PPP1R9A: variants seen among roughly 807,000 people sequenced by gnomAD.
The protein encoded by PPP1R9A is protein phosphatase 1 regulatory subunit 9A, also known as neurabin-1.
In PPP1R9A, 59 loss-of-function variants were observed where a neutral mutation model predicts 141.9. The observed-to-expected ratio is 0.42, with a 90% CI of 0.34 to 0.52. PPP1R9A has a LOEUF of 0.52. Among genes scored for constraint, PPP1R9A ranks in the 20% least tolerant of loss-of-function variants. The pLI is 0.10. For missense variants in PPP1R9A, 1,444 were observed against 1,611.9 expected, an observed-to-expected ratio of 0.90 and a Z score of 1.78; for synonymous variants, 500 against 569.7, an observed-to-expected ratio of 0.88 and a Z score of 1.74.
intron 2 of PPP1R9A, among the ~76,000 whole-genome samples, chr7:95,051,920 A>G (rs1381079956): frequency 6.6e-6 from 1 of 150,826 alleles, no homozygotes; most frequent in African/African-American, 2.4e-5. Context: ...GCTCACTGCA[A>G]CCTCCTCCTC....
At chr7:95,081,593 A>G (rs1815841790) in intron 2 of PPP1R9A, among the ~76,000 whole-genome samples, 1 of 152,128 alleles carries the variant, frequency 6.6e-6, no homozygotes, top group Non-Finnish European at 1.5e-5. Context: ...AACAGAGAGA[A>G]TAAAAATGAC....
At chr7:95,277,156 C>G (rs1160841320) in intron 16 of PPP1R9A, among the ~76,000 whole-genome samples, 1 of 152,160 alleles carries the variant, frequency 6.6e-6, no homozygotes. Context: ...GGCTAAGATT[C>G]TGATAAGATC....
At chr7:95,016,772 C>T (rs559926086) in intron 2 of PPP1R9A, among the ~76,000 whole-genome samples, 7 of 152,278 alleles carry the variant, frequency 4.6e-5, no homozygotes, top group African/African-American at 1.2e-4. Flanking sequence ...TGCCTACTTT[C>T]GTCCACTTCA....
chr7:95,113,471 G>GA (rs1175593267), intron 3 of PPP1R9A, among the ~76,000 whole-genome samples: 7 of 152,196 alleles, frequency 4.6e-5, no homozygotes, highest in South Asian at 2.1e-4. Flanking sequence ...CATAGCCTGG[G>GA]AAAAAATCCT....
In PPP1R9A at chr7:94,936,978, T is replaced by C. The variant is rs562176931; in HGVS notation, c.1395+25470T>C. On this transcript the variant is annotated intron_variant, in intron 2 of 19. Coordinates refer to ENST00000433360, the MANE Select transcript of PPP1R9A (RefSeq NM_001166160.2). ...TTTTGTTTTATCCCTCTGGCTTTTT[T>C]CAATTGGTAGTATGACAGTTGACAG... is the stretch of plus-strand genomic sequence containing the variant. Among the ~76,000 whole-genome samples the C allele has an allele frequency of 5.3e-5, 8 of 152,236 alleles. No individual in the cohort carries two copies. The South Asian group carries it at 8.3e-4, about 16-fold the overall frequency.
At chr7:95,009,939 G>A (rs866704209) in intron 2 of PPP1R9A, among the ~76,000 whole-genome samples, 2 of 152,086 alleles carry the variant, frequency 1.3e-5, no homozygotes, top group Non-Finnish European at 2.9e-5. Context: ...TAATAAAAAT[G>A]GAACTTAGTA....
intron 2 of PPP1R9A, among the ~76,000 whole-genome samples, chr7:94,979,235 C>T (rs1044083824): frequency 1.3e-5 from 2 of 152,196 alleles, no homozygotes; most frequent in Non-Finnish European, 2.9e-5. Context: ...TTTTGTTAAT[C>T]AGATTTGTCA....
intron 5 of PPP1R9A, among the ~76,000 whole-genome samples, chr7:95,184,986 G>T (rs1480977807): frequency 6.7e-6 from 1 of 149,958 alleles, no homozygotes; most frequent in Non-Finnish European, 1.5e-5. Flanking sequence ...TAGCTACCTG[G>T]TAGTTAAATT....
At chr7:95,234,349 G>A (rs1016225399) in intron 8 of PPP1R9A, among the ~76,000 whole-genome samples, 1 of 152,160 alleles carries the variant, frequency 6.6e-6, no homozygotes, top group African/African-American at 2.4e-5. Flanking sequence ...CAAAATTAAT[G>A]TACACAAATC....
At chr7:95,080,720 G>A (rs536451947) in intron 2 of PPP1R9A, among the ~76,000 whole-genome samples, 24 of 152,264 alleles carry the variant, frequency 1.6e-4, no homozygotes, top group African/African-American at 4.8e-4. Flanking sequence ...AGCTTCTCAT[G>A]TGTCCGCTGT....
intron 2 of PPP1R9A, among the ~76,000 whole-genome samples, chr7:94,959,405 A>G (rs1797381295): frequency 6.6e-6 from 1 of 151,706 alleles, no homozygotes; most frequent in Non-Finnish European, 1.5e-5. Flanking sequence ...TTTGGCTTCT[A>G]AGTTCTGTTT....
chr7:94,936,442 G>A (rs1794768848), intron 2 of PPP1R9A, among the ~76,000 whole-genome samples: 1 of 152,120 alleles, frequency 6.6e-6, no homozygotes, highest in Admixed American at 6.6e-5. Flanking sequence ...CAGGGATAAA[G>A]GACATCTCTG....
intron 14 of PPP1R9A, 151 bp from the exon 15 acceptor site, chr7:95,273,748 G>A (rs1055860925): frequency 3.4e-5 from 25 of 733,716 alleles, no homozygotes; most frequent in Non-Finnish European, 5.0e-5. Context: ...CAATGTAACT[G>A]TGTCTCCTAG....
intron 2 of PPP1R9A, among the ~76,000 whole-genome samples, chr7:95,050,584 G>A (rs1810651326): frequency 6.6e-6 from 1 of 152,128 alleles, no homozygotes; most frequent in Non-Finnish European, 1.5e-5. Flanking sequence ...AAAATTAGCT[G>A]GGCGTGGTGA....
chr7:95,212,901 C>T (rs1471066297), intron 7 of PPP1R9A, among the ~76,000 whole-genome samples: 2 of 152,054 alleles, frequency 1.3e-5, no homozygotes, highest in Non-Finnish European at 2.9e-5. Flanking sequence ...TTATCAATGC[C>T]GAAAGTTAGA....
At chr7:95,184,893 A>C (rs1205222817) in intron 5 of PPP1R9A, among the ~76,000 whole-genome samples, 1 of 152,010 alleles carries the variant, frequency 6.6e-6, no homozygotes, top group East Asian at 1.9e-4. Flanking sequence ...AGGGTGTTCT[A>C]TCTTTTTGCA....
At chr7:95,005,777 A>G (rs984065020) in intron 2 of PPP1R9A, among the ~76,000 whole-genome samples, 2 of 152,186 alleles carry the variant, frequency 1.3e-5, no homozygotes, top group Non-Finnish European at 2.9e-5. Flanking sequence ...AGTAGCCTAT[A>G]TAAATAAGTG....
intron 2 of PPP1R9A, among the ~76,000 whole-genome samples, chr7:95,078,550 C>A (rs1208349032): frequency 1.3e-5 from 2 of 152,102 alleles, no homozygotes; most frequent in Non-Finnish European, 2.9e-5. Flanking sequence ...CCTGAGGAAT[C>A]GCCACACTGA....
chr7:95,010,219 C>T (rs1331390575), intron 2 of PPP1R9A, among the ~76,000 whole-genome samples: 2 of 152,012 alleles, frequency 1.3e-5, no homozygotes, highest in Non-Finnish European at 2.9e-5. Context: ...CAGTGAGACA[C>T]TGTCTCTACA....
Sources: gnomAD v4.1 joint callset for allele counts (sites outside exome capture counted in the v4.1 genomes callset) on GRCh38, gnomAD v4.1.1 for gene constraint, MANE v1.5 for transcripts, NCBI Gene and HGNC (gene_info 2026-07-23, HGNC 2026-07-21) for gene names.